Variants in MAN1C1 observed in about 807,000 individuals in gnomAD.
MAN1C1 encodes mannosidase alpha class 1C member 1, also known as mannosyl-oligosaccharide 1,2-alpha-mannosidase IC.
A neutral mutation model predicts 71.5 loss-of-function variants in MAN1C1; 49 were observed. The observed-to-expected ratio is 0.69, with a 90% CI of 0.54 to 0.87. MAN1C1 has a LOEUF of 0.87. MAN1C1 is among the 40% of genes least tolerant of loss of function. MAN1C1 has a pLI of 0.00. For synonymous variants in MAN1C1, 352 were observed against 343.7 expected (o/e 1.02, Z -0.27); for missense variants, 743 against 835.0 (o/e 0.89, Z 1.36).
intron 2 of MAN1C1, among the ~76,000 whole-genome samples, chr1:25,733,373 C>T (rs148271888): frequency 1.3e-5 from 2 of 152,118 alleles, no homozygotes; most frequent in Non-Finnish European, 2.9e-5. Context: ...GATCTGGCCT[C>T]CACCCCCTCA....
chr1:25,726,389 T>A (rs1461433887), intron 2 of MAN1C1, among the ~76,000 whole-genome samples: 1 of 152,200 alleles, frequency 6.6e-6, no homozygotes, highest in Non-Finnish European at 1.5e-5. Flanking sequence ...CAGGCACTAA[T>A]AGAAGCTGCC....
At chr1:25,755,106 G>T (rs1437545316) in intron 5 of MAN1C1, among the ~76,000 whole-genome samples, 3 of 152,148 alleles carry the variant, frequency 2.0e-5, no homozygotes, top group African/African-American at 7.2e-5. Context: ...GGAAGAACGT[G>T]GGCCCTTCAG....
chr1:25,679,952 TATATATA>T (rs1303183536), intron 1 of MAN1C1, among the ~76,000 whole-genome samples: 6,705 of 96,720 alleles, frequency 0.069, 667 homozygotes, highest in African/African-American at 0.24. Flanking sequence ...AAAAAAAAAA[TATATATA>T]TATATATATA....
intron 2 of MAN1C1, chr1:25,709,687 G>C (rs1036481857): frequency 6.6e-6 from 1 of 152,100 alleles, no homozygotes. Flanking sequence ...GTCAGTCTTC[G>C]TAACGTTAGC....
At position 25,658,489 on chromosome 1, in the gene MAN1C1, C is replaced by T. The variant is rs557153225; in HGVS notation, c.541-27951C>T. Among the ~76,000 whole-genome samples, 95 of 152,192 alleles carry T rather than the reference C, an allele frequency of 6.2e-4. No homozygotes were observed. In the South Asian group the frequency reaches 9.9e-3, roughly 16 times the overall value. ...TTTTTTAAACGCGGTCTGGCTCTCT[C>T]GCCTAGGCTAGAATACAGTGGCACC... is the stretch of plus-strand genomic sequence containing the variant. On this transcript the variant is annotated intron_variant, in intron 1 of 11. Coordinates refer to ENST00000374332, the MANE Select transcript of MAN1C1 (RefSeq NM_020379.4).
chr1:25,664,821 A>G (rs1399603641), intron 1 of MAN1C1, among the ~76,000 whole-genome samples: 1 of 152,242 alleles, frequency 6.6e-6, no homozygotes, highest in Non-Finnish European at 1.5e-5. Context: ...ATAAGGAGGC[A>G]ATTATCTCAC....
At chr1:25,692,777 A>G (rs2046324903) in intron 2 of MAN1C1, among the ~76,000 whole-genome samples, 1 of 152,140 alleles carries the variant, frequency 6.6e-6, no homozygotes, top group African/African-American at 2.4e-5. Context: ...CCTGTACACC[A>G]CTGCCCCCAG....
At chr1:25,774,001 T>G (rs144983116) in intron 8 of MAN1C1, among the ~76,000 whole-genome samples, 1 of 152,254 alleles carries the variant, frequency 6.6e-6, no homozygotes, top group East Asian at 1.9e-4. Flanking sequence ...TAAACCTCCT[T>G]GGGATTTCGT....
At chr1:25,755,748 C>T (rs1019641762) in intron 5 of MAN1C1, among the ~76,000 whole-genome samples, 1 of 152,184 alleles carries the variant, frequency 6.6e-6, no homozygotes, top group Non-Finnish European at 1.5e-5. Context: ...TTACACCATA[C>T]TCATGAGTGT....
chr1:25,686,576 A>C (rs756149675), intron 2 of MAN1C1, 40 bp downstream of exon 2: 110 of 1,551,570 alleles, frequency 7.1e-5, no homozygotes, highest in Non-Finnish European at 8.0e-5. Context: ...GGAGGGACCC[A>C]CCGCCCCGCC....
At chr1:25,623,728 C>T (rs184010200) in intron 1 of MAN1C1, among the ~76,000 whole-genome samples, 11 of 151,750 alleles carry the variant, frequency 7.2e-5, no homozygotes, top group Middle Eastern at 3.4e-3. Flanking sequence ...TGGATACTGA[C>T]GCTGGCTTGG....
intron 5 of MAN1C1, among the ~76,000 whole-genome samples, chr1:25,755,314 G>T (rs1000463276): frequency 2.0e-4 from 30 of 152,150 alleles, no homozygotes; most frequent in African/African-American, 7.0e-4. Flanking sequence ...CCTGTGCAAG[G>T]ACCTCTGCAG....
At chr1:25,637,947 C>T (rs114875519) in intron 1 of MAN1C1, among the ~76,000 whole-genome samples, 3 of 151,488 alleles carry the variant, frequency 2.0e-5, no homozygotes, top group Admixed American at 6.6e-5. Context: ...TTAAAATGTA[C>T]CTCTTATAAA....
chr1:25,737,245 G>A (rs1332490781), intron 2 of MAN1C1, among the ~76,000 whole-genome samples: 1 of 152,226 alleles, frequency 6.6e-6, no homozygotes, highest in Non-Finnish European at 1.5e-5. Flanking sequence ...TCAGTGAACT[G>A]TGTCCAGCCA....
In MAN1C1 at chr1:25,769,038, C is replaced by A. The variant is rs1472204093; in HGVS notation, c.1142-2619C>A. On this transcript the variant is annotated intron_variant, in intron 7 of 11. Coordinates refer to ENST00000374332, the MANE Select transcript of MAN1C1 (RefSeq NM_020379.4). The surrounding 1 kb of genome is among the most constrained non-coding windows in gnomAD (Gnocchi z 4.8). The stretch of plus-strand genomic sequence containing the variant: ...CTCAGGCACACACACTACACACCAC[C>A]CACACTCCCACACACACTACACACC... Among the ~76,000 whole-genome samples, 2 of 145,736 alleles carry A rather than the reference C, an allele frequency of 1.4e-5. No individual in the cohort carries two copies. The highest frequency in any genetic ancestry group is 3.0e-5 in the Non-Finnish European group (2 of 66,012).
chr1:25,723,252 G>A (rs571110327), intron 2 of MAN1C1, among the ~76,000 whole-genome samples: 1 of 152,330 alleles, frequency 6.6e-6, no homozygotes, highest in East Asian at 1.9e-4. Flanking sequence ...CTGAGACTCT[G>A]CCTCTGGTTT....
chr1:25,754,297 G>C (rs2047256048), intron 5 of MAN1C1, among the ~76,000 whole-genome samples: 1 of 152,194 alleles, frequency 6.6e-6, no homozygotes, highest in Non-Finnish European at 1.5e-5. Flanking sequence ...ACCAACAGAA[G>C]CTTCAGCCAG....
chr1:25,656,117 T>TTTTTTTA (rs869216857), intron 1 of MAN1C1, among the ~76,000 whole-genome samples: 1 of 143,238 alleles, frequency 7.0e-6, no homozygotes, highest in African/African-American at 2.7e-5. Flanking sequence ...TTTTTTTTTT[T>TTTTTTTA]GAGACAGTCT....
intron 1 of MAN1C1, among the ~76,000 whole-genome samples, chr1:25,618,602 A>C: frequency 2.0e-5 from 3 of 148,116 alleles, no homozygotes; most frequent in Non-Finnish European, 3.0e-5. Flanking sequence ...CTGCCCCCTC[A>C]CTCCCAGACT....
Sources: allele counts gnomAD v4.1 joint callset (sites outside exome capture counted in the v4.1 genomes callset), GRCh38; gene constraint gnomAD v4.1.1; non-coding constraint Gnocchi (gnomAD v3.1); transcripts MANE v1.5; gene names NCBI Gene and HGNC (gene_info 2026-07-23, HGNC 2026-07-21).